LHFPL3: variants seen among roughly 807,000 people sequenced by gnomAD.
LHFPL3 encodes the protein LHFPL tetraspan subfamily member 3 protein.
Under a neutral mutation model 19.3 loss-of-function variants are expected in LHFPL3, and 5 were observed. That is an observed-to-expected ratio of 0.26 (90% CI 0.14 to 0.54). The LOEUF is 0.54. Among genes scored for constraint, LHFPL3 ranks in the 20% least tolerant of loss-of-function variants. The pLI, the probability that LHFPL3 is intolerant of heterozygous loss-of-function variation, is 0.94. For synonymous variants in LHFPL3, 133 were observed against 126.2 expected (o/e 1.05, Z -0.36); for missense variants, 249 against 307.4 (o/e 0.81, Z 1.42).
At chr7:104,893,808 C>T (rs1792299389) in intron 2 of LHFPL3, among the ~76,000 whole-genome samples, 1 of 151,534 alleles carries the variant, frequency 6.6e-6, no homozygotes, top group African/African-American at 2.4e-5. Flanking sequence ...AAAAATTAGC[C>T]AGGCATGGTG....
intron 1 of LHFPL3, among the ~76,000 whole-genome samples, chr7:104,700,196 T>C (rs1453532404): frequency 6.6e-6 from 1 of 152,214 alleles, no homozygotes; most frequent in African/African-American, 2.4e-5. Flanking sequence ...CTCTTGGCCA[T>C]ACCGCCATTT....
chr7:104,684,461 G>A (rs1792769454), intron 1 of LHFPL3, among the ~76,000 whole-genome samples: 1 of 152,234 alleles, frequency 6.6e-6, no homozygotes, highest in Non-Finnish European at 1.5e-5. Context: ...CACAAAAAAT[G>A]AGCCTAGCTG....
intron 1 of LHFPL3, chr7:104,667,767 A>G: frequency 4.4e-6 from 7 of 1,595,622 alleles, no homozygotes; most frequent in Non-Finnish European, 6.0e-6. Flanking sequence ...CTCAGCAAAA[A>G]AGAAGAATAA....
In LHFPL3 at chr7:104,814,700, C is replaced by T. The variant is rs113142074; in HGVS notation, c.682+77789C>T. The stretch of plus-strand genomic sequence containing the variant: ...GGTCAGCACCAAGCTTCCCTCATCT[C>T]ACCCTCAGCTTTCCTCCTATGCTCG... On this transcript the variant is annotated intron_variant, in intron 2 of 2. Coordinates refer to ENST00000424859, the MANE Select transcript of LHFPL3 (RefSeq NM_199000.3). Among the ~76,000 whole-genome samples, 1,450 of 152,350 alleles carry T rather than the reference C, an allele frequency of 9.5e-3. 29 individuals are homozygous for T. The highest frequency in any genetic ancestry group is 0.033 in the African/African-American group (1,379 of 41,598).
chr7:104,872,773 A>G (rs550075079), intron 2 of LHFPL3, among the ~76,000 whole-genome samples: 1 of 152,294 alleles, frequency 6.6e-6, no homozygotes, highest in South Asian at 2.1e-4. Context: ...TATGATAACC[A>G]TTCTTCTGGA....
chr7:104,575,683 TCA>T (rs1239453639), intron 1 of LHFPL3, among the ~76,000 whole-genome samples: 3 of 151,686 alleles, frequency 2.0e-5, no homozygotes, highest in African/African-American at 7.3e-5. Flanking sequence ...TCTCACTCTG[TCA>T]CCCAGGCTGC....
intron 1 of LHFPL3, among the ~76,000 whole-genome samples, chr7:104,393,296 C>CT (rs1444993559): frequency 3.3e-5 from 5 of 152,088 alleles, no homozygotes; most frequent in Non-Finnish European, 5.9e-5. Flanking sequence ...ACCATATGAC[C>CT]TAGCAGTTCC....
chr7:104,897,540 T>C (rs1042993691), intron 2 of LHFPL3, among the ~76,000 whole-genome samples: 17 of 152,242 alleles, frequency 1.1e-4, no homozygotes, highest in Non-Finnish European at 2.9e-5. Context: ...TAGGTTCACA[T>C]GCTGAGAAAC....
intron 1 of LHFPL3, among the ~76,000 whole-genome samples, chr7:104,439,889 G>T (rs1166711748): frequency 1.3e-5 from 2 of 152,090 alleles, no homozygotes; most frequent in African/African-American, 4.8e-5. Context: ...TGGCAAGAAA[G>T]ATGTAAAACT....
chr7:104,727,229 C>T (rs1423391743), intron 1 of LHFPL3, among the ~76,000 whole-genome samples: 5 of 152,026 alleles, frequency 3.3e-5, no homozygotes, highest in Non-Finnish European at 5.9e-5. Flanking sequence ...AAATATTAGG[C>T]CTTTGTCAGA....
At chr7:104,506,261 C>T (rs920469219) in intron 1 of LHFPL3, among the ~76,000 whole-genome samples, 8 of 152,178 alleles carry the variant, frequency 5.3e-5, no homozygotes, top group Non-Finnish European at 8.8e-5. Context: ...CCACCCAACC[C>T]CACCGCCGCA....
chr7:104,672,900 T>C (rs1792513516), intron 1 of LHFPL3, among the ~76,000 whole-genome samples: 1 of 152,164 alleles, frequency 6.6e-6, no homozygotes, highest in Admixed American at 6.5e-5. Context: ...TTCTGCTTTT[T>C]TTTTTCTCCA....
intron 1 of LHFPL3, among the ~76,000 whole-genome samples, chr7:104,716,609 C>A (rs1793391772): frequency 6.6e-6 from 1 of 152,012 alleles, no homozygotes; most frequent in Admixed American, 6.6e-5. Context: ...TAGAAATAAA[C>A]TTAACTAAGG....
intron 2 of LHFPL3, among the ~76,000 whole-genome samples, chr7:104,767,003 G>A (rs950513971): frequency 1.3e-5 from 2 of 152,130 alleles, no homozygotes; most frequent in East Asian, 3.8e-4. Context: ...TTTATCATAA[G>A]GAACTTCGAT....
chr7:104,837,384 A>G (rs4466333), intron 2 of LHFPL3, among the ~76,000 whole-genome samples: 151,556 of 152,340 alleles, frequency 0.99, 75,391 homozygotes, highest in Middle Eastern at 1. Context: ...GCCATCTGCA[A>G]TGAGGAGGAG....
At chr7:104,376,709 A>C (rs1790721150) in intron 1 of LHFPL3, among the ~76,000 whole-genome samples, 2 of 152,148 alleles carry the variant, frequency 1.3e-5, no homozygotes. Context: ...ATTACACTTC[A>C]CGGGCCAGGC....
At chr7:104,365,806 G>GAAAAAA (rs1790483619) in intron 1 of LHFPL3, among the ~76,000 whole-genome samples, 10 of 95,870 alleles carry the variant, frequency 1.0e-4, no homozygotes, top group Admixed American at 8.7e-4. Context: ...AAAAAAAAAA[G>GAAAAAA]AAAAGCCTCT....
At chr7:104,428,709 A>G (rs1791894754) in intron 1 of LHFPL3, among the ~76,000 whole-genome samples, 1 of 152,114 alleles carries the variant, frequency 6.6e-6, no homozygotes. Flanking sequence ...TCTAGAAACT[A>G]TTTTACTTTT....
chr7:104,387,907 C>T (rs184595820), intron 1 of LHFPL3, among the ~76,000 whole-genome samples: 73 of 152,214 alleles, frequency 4.8e-4, no homozygotes, highest in African/African-American at 1.5e-3. Context: ...AAGCATAGTA[C>T]CTGATAAGTA....
Sources: allele counts gnomAD v4.1 joint callset (sites outside exome capture counted in the v4.1 genomes callset), GRCh38; gene constraint gnomAD v4.1.1; transcripts MANE v1.5; gene names NCBI Gene and HGNC (gene_info 2026-07-23, HGNC 2026-07-21).